CCDC85C: variants seen among roughly 807,000 people sequenced by gnomAD.
The protein encoded by CCDC85C is coiled-coil domain-containing protein 85C.
A neutral mutation model predicts 38.3 loss-of-function variants in CCDC85C; 18 were observed. The ratio of observed to expected loss-of-function variants is 0.47; its 90% CI spans 0.33 to 0.70. CCDC85C has a LOEUF of 0.70. Ranked by LOEUF, CCDC85C falls within the 30% of genes least tolerant of loss-of-function variation. The pLI is 0.03. For synonymous variants in CCDC85C, 264 were observed against 293.8 expected (o/e 0.90, Z 1.04); for missense variants, 566 against 621.2 (o/e 0.91, Z 0.94).
intron 1 of CCDC85C, among the ~76,000 whole-genome samples, chr14:99,599,775 C>T (rs2055180294): frequency 6.6e-6 from 1 of 152,022 alleles, no homozygotes; most frequent in Non-Finnish European, 1.5e-5. Context: ...CCCAGGAGGC[C>T]GAGGCAAGAG....
At chr14:99,536,172 G>A (rs1897594775) in intron 1 of CCDC85C, 84 bp from the exon 2 acceptor site, 2 of 988,618 alleles carry the variant, frequency 2.0e-6, no homozygotes, top group South Asian at 2.8e-5. Context: ...CCCAGACCCG[G>A]CATGGAAGGT....
chr14:99,588,265 C>T lies in CCDC85C; in HGVS notation c.793+14902G>A, dbSNP rs1412725057. 6.6e-6 allele frequency among the ~76,000 whole-genome samples: 1 copy of T among 152,040 alleles called. No individual in the cohort carries two copies. Among genetic ancestry groups the T allele is most frequent in the African/African-American group, 2.4e-5 (1 of 41,416 alleles). ...TTGGGATGCAGCTGGCATGGTGGTA[C>T]ACCAGCACCTTTCTGAGTTAAACAT... On this transcript the variant is annotated intron_variant, in intron 1 of 5. Coordinates refer to ENST00000380243, the MANE Select transcript of CCDC85C (RefSeq NM_001144995.2). This position sits in a 1 kb window ranked among gnomAD's most constrained non-coding sequence, Gnocchi z 5.0.
intron 1 of CCDC85C, among the ~76,000 whole-genome samples, chr14:99,586,745 C>T (rs1008693123): frequency 3.9e-5 from 6 of 152,200 alleles, no homozygotes; most frequent in Non-Finnish European, 7.3e-5. Context: ...ATGTGGACAA[C>T]AGCAATGTGT....
At chr14:99,557,643 C>A (rs1375000454) in intron 1 of CCDC85C, among the ~76,000 whole-genome samples, 1 of 152,186 alleles carries the variant, frequency 6.6e-6, no homozygotes, top group Non-Finnish European at 1.5e-5. Flanking sequence ...GTGGCTCCCA[C>A]ATGGCTCACA....
At position 99,500,449 on chromosome 14, in the gene CCDC85C, T is replaced by G. The variant is rs1244096858; in HGVS notation, c.*14797A>C. On this transcript the variant is annotated 3_prime_UTR_variant, in exon 6 of 6. Transcript: ENST00000380243. Reference sequence around the variant, plus strand: ...TGAAAGAAATTACAATTTAGTCAAATTATCAATAACGTAAAGATCTGTTTT... The same window carrying G: ...TGAAAGAAATTACAATTTAGTCAAAGTATCAATAACGTAAAGATCTGTTTT... 5.2e-6 allele frequency: 1 copy of G among 191,170 alleles called. No individual in the cohort carries two copies. Among genetic ancestry groups the G allele is most frequent in the Non-Finnish European group, 1.1e-5 (1 of 94,406 alleles). 11.8% of individuals were successfully genotyped at this position (191,170 alleles called of 1,614,324 possible). A position where few individuals can be genotyped will look rare whatever the true frequency, so the allele number is the denominator to read the frequency against.
chr14:99,520,881 C>T lies in CCDC85C; in HGVS notation c.975+1252G>A, dbSNP rs1398505348. On this transcript the variant is annotated intron_variant, in intron 3 of 5. Coordinates refer to ENST00000380243, the MANE Select transcript of CCDC85C (RefSeq NM_001144995.2). This position sits in a 1 kb window ranked among gnomAD's most constrained non-coding sequence, Gnocchi z 4.1. ...ACAAACCCTTTCCCAAGGCTGCCTC[C>T]TCCAGGAAGCCTTCCTGAACATTCC... Among the ~76,000 whole-genome samples, 1 of 152,246 alleles carries T rather than the reference C, an allele frequency of 6.6e-6. No individual in the cohort carries two copies. Among genetic ancestry groups the T allele is most frequent in the Non-Finnish European group, 1.5e-5 (1 of 68,050 alleles).
Position 99,569,408 on chromosome 14 carries a change from A to G in CCDC85C, c.794-33320T>C. Among the ~76,000 whole-genome samples, 1 of 152,056 alleles carries G rather than the reference A, an allele frequency of 6.6e-6. No individual in the cohort carries two copies. The highest frequency in any genetic ancestry group is 1.9e-4 in the East Asian group (1 of 5,182). On this transcript the variant is annotated intron_variant, in intron 1 of 5. Transcript: ENST00000380243. The surrounding 1 kb of genome is among the most constrained non-coding windows in gnomAD (Gnocchi z 4.3). ...TCCAAAGGGTTCCCTGGATGTCCAC[A>G]CCTGGGCCCCAGCTCCGCCAGGCTG...
chr14:99,515,613 G>T (rs1453755258), intron 5 of CCDC85C, among the ~76,000 whole-genome samples: 1 of 152,148 alleles, frequency 6.6e-6, no homozygotes, highest in African/African-American at 2.4e-5. Context: ...GGGAGGGGCT[G>T]CACAGTTCAG....
rs1315474976 is a variant in CCDC85C at position 99,505,949 on chromosome 14, GCTAA to G, written c.*9293_*9296del. ...GACAGCCCTGATGTAGACGGCTTTA[GCTAA>G]CTATTACCAGCTGTGGAAAAAGGCA... On this transcript the variant is annotated 3_prime_UTR_variant, in exon 6 of 6. Coordinates refer to ENST00000380243, the MANE Select transcript of CCDC85C (RefSeq NM_001144995.2). 7 of 152,340 alleles carry G rather than the reference GCTAA, an allele frequency of 4.6e-5. No homozygotes were observed. The highest frequency in any genetic ancestry group is 1.0e-4 in the Non-Finnish European group (7 of 68,094). The allele number at this position is 152,340 out of a possible 1,614,324, so 9.4% of individuals were successfully genotyped here.
At position 99,505,895 on chromosome 14, in the gene CCDC85C, A is replaced by G. The variant is rs1331704376; in HGVS notation, c.*9351T>C. 2 of 152,232 alleles carry G rather than the reference A, an allele frequency of 1.3e-5. No individual in the cohort carries two copies. Among genetic ancestry groups the G allele is most frequent in the African/African-American group, 4.8e-5 (2 of 41,434 alleles). The allele number at this position is 152,232 out of a possible 1,614,324, so 9.4% of individuals were successfully genotyped here. ...GCTCCTGGAAAGTTTAAAATTGTAG[A>G]TATGTGGCTCTCAGTTATATTGCTG... On this transcript the variant is annotated 3_prime_UTR_variant, in exon 6 of 6. Transcript: ENST00000380243.
intron 1 of CCDC85C, among the ~76,000 whole-genome samples, chr14:99,579,273 CG>C (rs1349102872): frequency 6.6e-6 from 1 of 152,232 alleles, no homozygotes; most frequent in African/African-American, 2.4e-5. Flanking sequence ...AGAGAAGTGG[CG>C]GGGCTGCCCC....
At chr14:99,578,048 AGAGT>A (rs1898530293) in intron 1 of CCDC85C, among the ~76,000 whole-genome samples, 1 of 108,406 alleles carries the variant, frequency 9.2e-6, no homozygotes, top group Admixed American at 1.0e-4. Flanking sequence ...ATCCCCCATC[AGAGT>A]GTGTGTGTGT....
Position 99,503,572 on chromosome 14 carries a change from G to T in CCDC85C, c.*11674C>A. ...ATCCATTTTTTTCTCATCATACTCA[G>T]GATCCCAGTTAACAATTGTGTATTT... On this transcript the variant is annotated 3_prime_UTR_variant, in exon 6 of 6. Coordinates refer to ENST00000380243, the MANE Select transcript of CCDC85C (RefSeq NM_001144995.2). 1 of 1,534,356 alleles carries T rather than the reference G, an allele frequency of 6.5e-7. No homozygotes were observed. The highest frequency in any genetic ancestry group is 1.4e-5 in the African/African-American group (1 of 72,798).
chr14:99,536,147 G>A (rs199723279), intron 1 of CCDC85C, 59 bp from the exon 2 acceptor site: 20 of 1,201,054 alleles, frequency 1.7e-5, no homozygotes, highest in East Asian at 1.0e-4. Flanking sequence ...TCCCCATTGC[G>A]CAACCCCGAC....
Position 99,536,021 on chromosome 14 carries a change from G to A in CCDC85C, c.861C>T (p.Leu287=), listed in dbSNP as rs116520755. Residue 287 remains leucine, a synonymous_variant, in exon 2 of 6, where the codon CTC becomes CTT. Transcript: ENST00000380243. ...CCACCCGAAGCCGGCCTACCTGTGC[G>A]AGGAGCTTGTCACCCTCCAGCAGCC... ...KVRLLEGDKL[L]AQQAGSGEFR... 302 of 1,551,296 alleles carry A rather than the reference G, an allele frequency of 1.9e-4. No homozygotes were observed. The African/African-American group carries it at 3.6e-3, about 18-fold the overall frequency.
intron 1 of CCDC85C, among the ~76,000 whole-genome samples, chr14:99,567,913 G>A (rs1898248576): frequency 6.6e-6 from 1 of 152,220 alleles, no homozygotes; most frequent in Non-Finnish European, 1.5e-5. Flanking sequence ...GGATCACACA[G>A]GGTGCTACAG....
In CCDC85C at chr14:99,504,972, G is replaced by A. The variant is rs1032980086; in HGVS notation, c.*10274C>T. 1 of 152,356 alleles carries A rather than the reference G, an allele frequency of 6.6e-6. No individual in the cohort carries two copies. The highest frequency in any genetic ancestry group is 2.4e-5 in the African/African-American group (1 of 41,462). The allele number at this position is 152,356 out of a possible 1,614,324, so 9.4% of individuals were successfully genotyped here. A position where few individuals can be genotyped will look rare whatever the true frequency, so the allele number is the denominator to read the frequency against. ...GTTGGAAGTACGCAAGTGAGCAAAG[G>A]AATTGAGAATCAGGGGAAATGGAGA... On this transcript the variant is annotated 3_prime_UTR_variant, in exon 6 of 6. Transcript: ENST00000380243.
intron 1 of CCDC85C, among the ~76,000 whole-genome samples, chr14:99,567,249 C>T (rs1209234208): frequency 1.3e-5 from 2 of 152,180 alleles, no homozygotes; most frequent in Non-Finnish European, 2.9e-5. Context: ...TCGCTCCAGC[C>T]AGGCACGGTC....
intron 1 of CCDC85C, among the ~76,000 whole-genome samples, chr14:99,547,855 TATATATACACACACATATATATAC>T (rs1897835607): frequency 6.6e-6 from 1 of 151,850 alleles, no homozygotes; most frequent in Non-Finnish European, 1.5e-5. Context: ...TATACACATA[TATATATACACACACATATATATAC>T]ATATATACAC....
Sources: gnomAD v4.1 joint callset for allele counts (sites outside exome capture counted in the v4.1 genomes callset) on GRCh38, gnomAD v4.1.1 for gene constraint, Gnocchi (gnomAD v3.1) non-coding constraint, MANE v1.5 for transcripts, NCBI Gene and HGNC (gene_info 2026-07-23, HGNC 2026-07-21) for gene names.